SCN8A: variants seen among roughly 807,000 people sequenced by gnomAD.
SCN8A encodes sodium channel protein type 8 subunit alpha.
SCN8A carries 30 observed loss-of-function variants against 184.1 expected under a neutral mutation model. The ratio of observed to expected loss-of-function variants is 0.16; its 90% CI spans 0.12 to 0.22. SCN8A has a LOEUF of 0.22. Among genes scored for constraint, SCN8A ranks in the 10% least tolerant of loss-of-function variants. SCN8A has a pLI of 1.00. For missense variants in SCN8A, 1,057 were observed against 2,498.9 expected, an observed-to-expected ratio of 0.42 and a Z score of 12.30; for synonymous variants, 852 against 907.0, an observed-to-expected ratio of 0.94 and a Z score of 1.09.
intron 1 of SCN8A, among the ~76,000 whole-genome samples, chr12:51,601,684 T>C (rs982261559): frequency 2.6e-5 from 4 of 151,890 alleles, no homozygotes; most frequent in African/African-American, 9.7e-5. Flanking sequence ...TGGGGGCTGA[T>C]GTGCTTTGTT....
chr12:51,635,758 G>A (rs1940302412), intron 1 of SCN8A, among the ~76,000 whole-genome samples: 1 of 152,116 alleles, frequency 6.6e-6, no homozygotes, highest in African/African-American at 2.4e-5. Context: ...AAAAGTTTAA[G>A]GTGGTTCCTC....
chr12:51,707,903 T>A (rs1480383302), intron 11 of SCN8A, among the ~76,000 whole-genome samples: 3 of 152,150 alleles, frequency 2.0e-5, no homozygotes, highest in Non-Finnish European at 4.4e-5. Context: ...GGCCCATCCC[T>A]GCATCCTCAT....
At chr12:51,705,102 T>C (rs1243971161) in intron 9 of SCN8A, among the ~76,000 whole-genome samples, 1 of 152,236 alleles carries the variant, frequency 6.6e-6, no homozygotes, top group Non-Finnish European at 1.5e-5. Flanking sequence ...TGTATTCTTT[T>C]CTTTATACTT....
In SCN8A at chr12:51,774,223, C is replaced by T. The variant is rs747965516; in HGVS notation, c.3680C>T (p.Thr1227Ile). 1 of 1,613,568 alleles carries T rather than the reference C, an allele frequency of 6.2e-7. No homozygotes were observed. Among genetic ancestry groups the T allele is most frequent in the Admixed American group, 1.7e-5 (1 of 60,008 alleles). The change falls in exon 20 of 27, where the codon ACC becomes ATC. Residue 1227 changes from threonine to isoleucine, a missense_variant. Transcript: ENST00000627620. ...GACATCTACATTGAGCAGAGAAAGA[C>T]CATCCGCACCATCCTGGAATATGCT... ...FEDIYIEQRK[T>I]IRTILEYADK...
chr12:51,765,622 A>G (rs1565916444), intron 15 of SCN8A, 49 bp from the exon 16 acceptor site: 2 of 1,131,246 alleles, frequency 1.8e-6, no homozygotes, highest in Non-Finnish European at 2.5e-6. Flanking sequence ...TGGTGAGAAA[A>G]TTGATTGAGT....
At chr12:51,795,223 T>C (rs1428104372) in intron 26 of SCN8A, among the ~76,000 whole-genome samples, 2 of 152,170 alleles carry the variant, frequency 1.3e-5, no homozygotes, top group African/African-American at 4.8e-5. Context: ...AGCCACTCGC[T>C]AGGAGGTGGT....
intron 14 of SCN8A, among the ~76,000 whole-genome samples, chr12:51,753,360 G>T (rs956336756): frequency 2.0e-5 from 3 of 152,184 alleles, no homozygotes; most frequent in African/African-American, 4.8e-5. Context: ...ATCAAGAATG[G>T]TGCCTCGATG....
chr12:51,672,826 T>G (rs1373944686), intron 2 of SCN8A, among the ~76,000 whole-genome samples: 1 of 152,196 alleles, frequency 6.6e-6, no homozygotes, highest in Non-Finnish European at 1.5e-5. Context: ...ACTAGGGATA[T>G]CTCAGTATAA....
chr12:51,614,106 TTCTG>T (rs1286470331), intron 1 of SCN8A, among the ~76,000 whole-genome samples: 4 of 152,110 alleles, frequency 2.6e-5, no homozygotes, highest in Non-Finnish European at 5.9e-5. Flanking sequence ...CCTGATTATT[TTCTG>T]TCTACTTGTT....
chr12:51,721,973 G>A, intron 12 of SCN8A, 65 bp downstream of exon 12: 1 of 1,598,892 alleles, frequency 6.3e-7, no homozygotes, highest in Non-Finnish European at 8.5e-7. Context: ...TCGAGGCTAG[G>A]CATGGCAGTC....
At chr12:51,804,446 G>A (rs1340531563) in intron 26 of SCN8A, among the ~76,000 whole-genome samples, 1 of 149,292 alleles carries the variant, frequency 6.7e-6, no homozygotes, top group Non-Finnish European at 1.5e-5. Context: ...AGCCTCCTGA[G>A]TAGCTCGGGT....
chr12:51,739,818 C>A (rs1331347046), intron 12 of SCN8A, among the ~76,000 whole-genome samples: 1 of 152,244 alleles, frequency 6.6e-6, no homozygotes, highest in Admixed American at 6.5e-5. Context: ...ATTAAAGACA[C>A]ACACACACAG....
intron 23 of SCN8A, 95 bp from the exon 24 acceptor site, chr12:51,789,186 G>C: frequency 3.0e-6 from 4 of 1,342,012 alleles, no homozygotes; most frequent in South Asian, 2.6e-5. Context: ...AAGATGTTTA[G>C]CAGCTCAAAT....
At chr12:51,599,645 T>C (rs1247606924) in intron 1 of SCN8A, among the ~76,000 whole-genome samples, 7 of 152,196 alleles carry the variant, frequency 4.6e-5, no homozygotes, top group Admixed American at 1.3e-4. Context: ...TGTAGTGTTT[T>C]AGGAATATTG....
intron 12 of SCN8A, among the ~76,000 whole-genome samples, chr12:51,735,663 A>G (rs905211348): frequency 2.0e-5 from 3 of 152,124 alleles, no homozygotes; most frequent in Non-Finnish European, 4.4e-5. Flanking sequence ...ATCTGTCCCC[A>G]GGTGGGTGGC....
intron 26 of SCN8A, among the ~76,000 whole-genome samples, chr12:51,798,773 T>C (rs1449224053): frequency 6.6e-6 from 1 of 152,236 alleles, no homozygotes; most frequent in African/African-American, 2.4e-5. Context: ...AGCATTCATG[T>C]GGGACACAAA....
chr12:51,707,210 C>A lies in SCN8A; in HGVS notation c.1635+495C>A, dbSNP rs371030843. Among the ~76,000 whole-genome samples, 15 of 151,980 alleles carry A rather than the reference C, an allele frequency of 9.9e-5. No individual in the cohort carries two copies. In the South Asian group the frequency reaches 1.7e-3, roughly 17 times the overall value. On this transcript the variant is annotated intron_variant, in intron 11 of 26. Coordinates refer to ENST00000627620, the MANE Select transcript of SCN8A (RefSeq NM_001330260.2). The stretch of plus-strand genomic sequence containing the variant: ...AATATCTATTTAATATATTGACTGA[C>A]TTTCTTTTAGTTATATACCCCATAA...
intron 2 of SCN8A, among the ~76,000 whole-genome samples, chr12:51,668,381 A>T (rs1423841637): frequency 6.6e-6 from 1 of 152,136 alleles, no homozygotes; most frequent in Non-Finnish European, 1.5e-5. Flanking sequence ...AAAAGCCCAC[A>T]CCACTGTTGG....
chr12:51,709,382 G>A (rs1333875630), intron 11 of SCN8A, among the ~76,000 whole-genome samples: 3 of 152,194 alleles, frequency 2.0e-5, no homozygotes, highest in Non-Finnish European at 4.4e-5. Flanking sequence ...GACCATTGCT[G>A]TTCACTGGCA....
Sources: allele counts gnomAD v4.1 joint callset (sites outside exome capture counted in the v4.1 genomes callset), GRCh38; gene constraint gnomAD v4.1.1; transcripts MANE v1.5; gene names NCBI Gene and HGNC (gene_info 2026-07-23, HGNC 2026-07-21).